PIH1D2: variants seen among roughly 807,000 people sequenced by gnomAD.
The protein encoded by PIH1D2 is PIH1 domain-containing protein 2.
Under a neutral mutation model 31.2 loss-of-function variants are expected in PIH1D2, and 25 were observed. The observed-to-expected ratio is 0.80, with a 90% CI of 0.58 to 1.12. The LOEUF is 1.12. Among genes scored for constraint, PIH1D2 ranks in the 50% most tolerant of loss-of-function variants. The probability of loss-of-function intolerance (pLI) is 0.00; values close to 1 mark genes in which losing one functional copy is unlikely to be tolerated. For missense variants in PIH1D2, 310 were observed against 356.6 expected (o/e 0.87, Z 1.05); for synonymous variants, 116 against 119.9 (o/e 0.97, Z 0.21).
At chr11:112,060,123 T>G, downstream of PIH1D2, 2 of 1,495,768 alleles carry the variant, frequency 1.3e-6, no homozygotes, top group Non-Finnish European at 1.8e-6. Flanking sequence ...CATAATGCAT[T>G]TATTGCATTT....
the PIH1D2 span, among the ~76,000 whole-genome samples, chr11:112,053,520 T>C: frequency 2.4e-4 from 37 of 152,104 alleles, no homozygotes; most frequent in Non-Finnish European, 7.4e-5. Flanking sequence ...TGGCGTGATC[T>C]TGGCTCACTG....
intron 5 of PIH1D2, chr11:112,069,764 T>A (rs1272737545): frequency 6.6e-6 from 1 of 152,278 alleles, no homozygotes; most frequent in African/African-American, 2.4e-5. Context: ...AATGTCTGCC[T>A]ACTAGGATTT....
downstream of PIH1D2, chr11:112,059,851 A>G: frequency 1.4e-6 from 2 of 1,456,118 alleles, no homozygotes; most frequent in Admixed American, 2.1e-5. Context: ...AACCTGGCAC[A>G]CAGGCTCTTA....
downstream of PIH1D2, chr11:112,062,283 G>C: frequency 1.9e-6 from 2 of 1,034,078 alleles, no homozygotes; most frequent in Non-Finnish European, 2.9e-6. Context: ...TAGGAGACTG[G>C]AAGAGTAGAT....
chr11:112,072,549 CAAAAAAAAAAAA>C (rs148760956), intron 2 of PIH1D2, among the ~76,000 whole-genome samples: 2 of 36,340 alleles, frequency 5.5e-5, no homozygotes, highest in African/African-American at 1.2e-4. Flanking sequence ...GACCCTATCT[CAAAAAAAAAAAA>C]AAAAAAAAAA....
chr11:112,056,897 TTTGA>T, the PIH1D2 span, among the ~76,000 whole-genome samples: 1 of 152,218 alleles, frequency 6.6e-6, no homozygotes, highest in Non-Finnish European at 1.5e-5. Context: ...TTTATTGCAC[TTTGA>T]TTTATTGTGC....
rs1865077158 is a variant in PIH1D2 at position 112,070,582 on chromosome 11, T to C, written c.667A>G (p.Ser223Gly). ...KAVCLIEEIS[S>G]TEIQVEMKMP... ...TTCATCTCCACCTGGATTTCAGTAC[T>C]GGAAATCTCTTCTATCAGACACACT... Residue 223 changes from serine (S) to glycine (G), a missense_variant, in exon 5 of 6, where the codon AGT becomes GGT. Coordinates refer to ENST00000280350, the MANE Select transcript of PIH1D2 (RefSeq NM_138789.4). 2 of 1,614,200 alleles carry C rather than the reference T, an allele frequency of 1.2e-6. No homozygotes were observed. The highest frequency in any genetic ancestry group is 1.7e-6 in the Non-Finnish European group (2 of 1,180,030).
rs114535869 is a variant in PIH1D2, at chr11:112,070,175, G to A, written c.813+261C>T. 817 of 586,176 alleles carry A rather than the reference G, an allele frequency of 1.4e-3. 5 individuals carry two copies. Among genetic ancestry groups the A allele is most frequent in the African/African-American group, 0.013 (687 of 53,770 alleles). The allele number at this position is 586,176 out of a possible 1,614,324, so 36.3% of individuals were successfully genotyped here. The stretch of plus-strand genomic sequence containing the variant: ...TAGAACTGGCCTTGTGACTTACTTT[G>A]GCCAGTGGAGCGTGAGTAGAAGTGA... On this transcript the variant is annotated intron_variant, in intron 5 of 5. Coordinates refer to ENST00000280350, the MANE Select transcript of PIH1D2 (RefSeq NM_138789.4).
downstream of PIH1D2, among the ~76,000 whole-genome samples, chr11:112,064,879 C>T (rs1864863557): frequency 1.5e-5 from 2 of 137,678 alleles, no homozygotes; most frequent in Admixed American, 8.0e-5. Context: ...GAGTCTGTGT[C>T]GCCCAGGCTG....
At chr11:112,059,635 C>G (rs143592930), downstream of PIH1D2, among the ~76,000 whole-genome samples, 1 of 152,154 alleles carries the variant, frequency 6.6e-6, no homozygotes, top group South Asian at 2.1e-4. Flanking sequence ...TCAAGTGATC[C>G]GCCCACCTCA....
At chr11:112,072,387 A>G (rs1349592031) in intron 2 of PIH1D2, among the ~76,000 whole-genome samples, 1 of 151,266 alleles carries the variant, frequency 6.6e-6, no homozygotes, top group Non-Finnish European at 1.5e-5. Flanking sequence ...CTCTACAAAA[A>G]TCATTTAAAA....
At chr11:112,066,869 C>G (rs1864941497), downstream of PIH1D2, among the ~76,000 whole-genome samples, 1 of 151,990 alleles carries the variant, frequency 6.6e-6, no homozygotes, top group Middle Eastern at 3.4e-3. Context: ...TCAAGACCAG[C>G]CTGGCCAACA....
At chr11:112,054,350 C>T in the PIH1D2 span, among the ~76,000 whole-genome samples, 2 of 151,760 alleles carry the variant, frequency 1.3e-5, no homozygotes, top group South Asian at 2.1e-4. Context: ...AAATATAAAT[C>T]TATATTTGGT....
the PIH1D2 span, among the ~76,000 whole-genome samples, chr11:112,055,313 G>A: frequency 3.7e-5 from 5 of 136,844 alleles, no homozygotes; most frequent in African/African-American, 5.3e-5. Context: ...GCGCAATCTC[G>A]GCTCACTGCA....
chr11:112,065,889 G>A (rs782524138), downstream of PIH1D2, among the ~76,000 whole-genome samples: 1 of 152,088 alleles, frequency 6.6e-6, no homozygotes, highest in Non-Finnish European at 1.5e-5. Flanking sequence ...GCTGAGGCAG[G>A]AGAATCACTT....
downstream of PIH1D2, chr11:112,063,528 G>A (rs917725346): frequency 2.0e-5 from 3 of 152,488 alleles, no homozygotes; most frequent in East Asian, 5.8e-4. Flanking sequence ...GGGGTACATT[G>A]GTAAACATTT....
In PIH1D2 at chr11:112,070,453, C is replaced by A; in HGVS notation, c.796G>T (p.Asp266Tyr). 1 of 1,613,854 alleles carries A rather than the reference C, an allele frequency of 6.2e-7. No individual in the cohort carries two copies. Among genetic ancestry groups the A allele is most frequent in the South Asian group, 1.1e-5 (1 of 91,036 alleles). ...LPGINSVSLC[D>Y]LSVSEDDLLI... ...CAACTTACCTCAGAAACACTAAGGTCACAGAGAGAGACAGAATTAATACCA... is the reference window on the plus strand; with the variant it reads ...CAACTTACCTCAGAAACACTAAGGTAACAGAGAGAGACAGAATTAATACCA... Residue 266 changes from aspartate to tyrosine, a missense_variant, in exon 5 of 6, where the codon GAC becomes TAC. Coordinates refer to ENST00000280350, the MANE Select transcript of PIH1D2 (RefSeq NM_138789.4).
chr11:112,064,093 G>A, downstream of PIH1D2: 1 of 1,229,798 alleles, frequency 8.1e-7, no homozygotes, highest in Non-Finnish European at 1.1e-6. Flanking sequence ...GTAATTTTAG[G>A]TTGAAGATTA....
intron 5 of PIH1D2, 122 bp from the exon 6 acceptor site, chr11:112,068,127 G>T: frequency 1.5e-6 from 1 of 675,826 alleles, no homozygotes; most frequent in Non-Finnish European, 2.4e-6. Context: ...GACTTGGAAT[G>T]AGCAAAAAAT....
Sources: allele counts gnomAD v4.1 joint callset (sites outside exome capture counted in the v4.1 genomes callset), GRCh38; gene constraint gnomAD v4.1.1; transcripts MANE v1.5; gene names NCBI Gene and HGNC (gene_info 2026-07-23, HGNC 2026-07-21).